Variants in THBS4 observed in about 807,000 individuals in gnomAD.
THBS4 encodes thrombospondin 4.
THBS4 carries 90 observed loss-of-function variants against 115.7 expected under a neutral mutation model. The observed-to-expected ratio is 0.78, with a 90% CI of 0.66 to 0.93. THBS4 has a LOEUF of 0.93. Among genes scored for constraint, THBS4 ranks in the 40% least tolerant of loss-of-function variants. The pLI is 0.00. For synonymous variants in THBS4, 460 were observed against 479.3 expected, an observed-to-expected ratio of 0.96 and a Z score of 0.53; for missense variants, 1,087 against 1,232.7, an observed-to-expected ratio of 0.88 and a Z score of 1.77.
At chr5:80,030,496 T>G (rs1375592496), upstream of THBS4, among the ~76,000 whole-genome samples, 2 of 152,052 alleles carry the variant, frequency 1.3e-5, no homozygotes, top group Non-Finnish European at 2.9e-5. Flanking sequence ...GCCTCCTGAG[T>G]AGCTAGGATT....
At chr5:80,016,412 C>G (rs1229079809) in intron 2 of THBS4, among the ~76,000 whole-genome samples, 1 of 151,980 alleles carries the variant, frequency 6.6e-6, no homozygotes, top group Non-Finnish European at 1.5e-5. Context: ...TTTTTATTTT[C>G]TGTGTTCTTT....
At chr5:79,998,354 GC>G (rs1318471082) in exon 2 of THBS4, 1 of 152,732 alleles carries the variant, frequency 6.5e-6, no homozygotes, top group African/African-American at 2.4e-5. Flanking sequence ...TGCCTGCTTT[GC>G]CTTCGCCTTC....
intron 10 of THBS4, among the ~76,000 whole-genome samples, chr5:80,069,593 G>A (rs765234803): frequency 8.5e-5 from 13 of 152,224 alleles, no homozygotes; most frequent in African/African-American, 1.2e-4. Context: ...TAAACTTGGC[G>A]TGACTACTAA....
intron 2 of THBS4, among the ~76,000 whole-genome samples, chr5:80,051,215 A>G (rs568964856): frequency 4.2e-4 from 64 of 152,340 alleles, no homozygotes; most frequent in African/African-American, 1.5e-3. Flanking sequence ...CGCACCCAAC[A>G]GGCTGCAGGC....
intron 2 of THBS4, among the ~76,000 whole-genome samples, chr5:80,018,708 T>G (rs1302036428): frequency 2.6e-5 from 4 of 152,148 alleles, no homozygotes; most frequent in African/African-American, 9.7e-5. Flanking sequence ...ATATACTTAT[T>G]TTTTAAACAT....
At chr5:80,082,185 CACACACACACGG>C in intron 20 of THBS4, 1 of 443,236 alleles carries the variant, frequency 2.3e-6, no homozygotes, top group Non-Finnish European at 3.9e-6. Flanking sequence ...CACCCCCCTC[CACACACACACGG>C]ACACACACGG....
chr5:80,003,360 G>C (rs1177240181), intron 2 of THBS4, among the ~76,000 whole-genome samples: 1 of 152,144 alleles, frequency 6.6e-6, no homozygotes, highest in Admixed American at 6.5e-5. Flanking sequence ...GAGAAGAAGA[G>C]GAGAAGTAAG....
chr5:80,014,950 G>C (rs1371363292), intron 2 of THBS4, among the ~76,000 whole-genome samples: 2 of 152,184 alleles, frequency 1.3e-5, no homozygotes, highest in African/African-American at 2.4e-5. Context: ...TCTTTTCTTT[G>C]ATAATTTTAT....
chr5:80,033,515 C>T (rs566970294), upstream of THBS4, among the ~76,000 whole-genome samples: 2 of 152,316 alleles, frequency 1.3e-5, no homozygotes, highest in East Asian at 3.9e-4. Context: ...ACCCCACCTG[C>T]AAGAGTCACA....
At chr5:79,993,980 A>G (rs948506556) in intron 1 of THBS4, among the ~76,000 whole-genome samples, 2 of 152,222 alleles carry the variant, frequency 1.3e-5, no homozygotes, top group Non-Finnish European at 2.9e-5. Context: ...TGAGTTCTTG[A>G]CTTGGCCTCT....
At chr5:80,082,171 C>A in intron 20 of THBS4, 1 of 434,512 alleles carries the variant, frequency 2.3e-6, no homozygotes, top group East Asian at 3.6e-5. Context: ...GAAGAAACAC[C>A]CCCCACCCCC....
At chr5:80,043,997 C>T (rs62363965) in intron 2 of THBS4, among the ~76,000 whole-genome samples, 706 of 152,372 alleles carry the variant, frequency 4.6e-3, no homozygotes, top group Non-Finnish European at 7.5e-3. Context: ...TGGGGCCGCA[C>T]ATGCTGCCTC....
At chr5:80,009,216 A>G (rs1832074827) in intron 2 of THBS4, among the ~76,000 whole-genome samples, 1 of 152,212 alleles carries the variant, frequency 6.6e-6, no homozygotes. Context: ...GGAGTGTTTT[A>G]TTTGGATAGC....
Position 80,083,263 on chromosome 5 carries a change from AAGG to A in THBS4, c.*125_*127del. ...AACGTTTTATGTGAATGTGGCAATA[AAGG>A]AGAAGAGATCATTTTTAAAAACCGT... On this transcript the variant is annotated 3_prime_UTR_variant, in exon 22 of 22. Coordinates refer to ENST00000350881, the MANE Select transcript of THBS4 (RefSeq NM_003248.6). 4.6e-6 allele frequency: 4 copies of A among 867,306 alleles called. No individual in the cohort carries two copies. Among genetic ancestry groups the A allele is most frequent in the Non-Finnish European group, 7.5e-6 (4 of 530,094 alleles). 53.7% of individuals were successfully genotyped at this position (867,306 alleles called of 1,614,324 possible). A position where few individuals can be genotyped will look rare whatever the true frequency, so the allele number is the denominator to read the frequency against.
intron 2 of THBS4, among the ~76,000 whole-genome samples, chr5:80,054,102 C>G (rs1277306109): frequency 6.6e-6 from 1 of 151,522 alleles, no homozygotes; most frequent in Non-Finnish European, 1.5e-5. Context: ...AAAACAAAAA[C>G]AGAAAATAAG....
intron 6 of THBS4, 31 bp downstream of exon 6, chr5:80,059,522 G>T: frequency 6.2e-7 from 1 of 1,613,688 alleles, no homozygotes. Flanking sequence ...GGGCTCGCCT[G>T]AGTTGGATGA....
chr5:80,073,757 G>T (rs2112150723), intron 15 of THBS4, among the ~76,000 whole-genome samples: 1 of 152,258 alleles, frequency 6.6e-6, no homozygotes. Flanking sequence ...CTGAGCTGCT[G>T]GTGGGATAAT....
chr5:80,021,318 C>T (rs902944580), intron 2 of THBS4, among the ~76,000 whole-genome samples: 2 of 152,080 alleles, frequency 1.3e-5, no homozygotes, highest in African/African-American at 4.8e-5. Flanking sequence ...AACTGTCTTC[C>T]ATTGTCAGAC....
At chr5:80,010,333 AAAGTTGATAAT>A (rs1436700352) in intron 2 of THBS4, among the ~76,000 whole-genome samples, 1 of 152,230 alleles carries the variant, frequency 6.6e-6, no homozygotes, top group Non-Finnish European at 1.5e-5. Context: ...AAATGAGATC[AAAGTTGATAAT>A]TCTCTCACCT....
Sources: allele counts gnomAD v4.1 joint callset (sites outside exome capture counted in the v4.1 genomes callset), GRCh38; gene constraint gnomAD v4.1.1; transcripts MANE v1.5; gene names NCBI Gene and HGNC (gene_info 2026-07-23, HGNC 2026-07-21).